Variants in SRGAP2 observed in about 807,000 individuals in gnomAD.
The protein encoded by SRGAP2 is SLIT-ROBO Rho GTPase activating protein 2.
A neutral mutation model predicts 57.2 loss-of-function variants in SRGAP2; 15 were observed. The observed-to-expected ratio is 0.26, with a 90% CI of 0.18 to 0.40. The LOEUF is 0.40. SRGAP2 is among the 10% of genes least tolerant of loss of function. The probability of loss-of-function intolerance (pLI) is 1.00; values close to 1 mark genes in which losing one functional copy is unlikely to be tolerated. For synonymous variants in SRGAP2, 249 were observed against 248.0 expected, an observed-to-expected ratio of 1.00 and a Z score of -0.04; for missense variants, 520 against 669.6, an observed-to-expected ratio of 0.78 and a Z score of 2.47.
chr1:206,418,900 G>C (rs372662654), intron 11 of SRGAP2, among the ~76,000 whole-genome samples: 5,257 of 147,284 alleles, frequency 0.036, 334 homozygotes, highest in African/African-American at 0.12. Context: ...GTGTGTGTGT[G>C]TGTGTGTGTG....
intron 2 of SRGAP2, among the ~76,000 whole-genome samples, chr1:206,301,298 G>C (rs1373095831): frequency 6.6e-6 from 1 of 152,080 alleles, no homozygotes; most frequent in Non-Finnish European, 1.5e-5. Flanking sequence ...GCCTCCCAAA[G>C]TGCTGGGATT....
At chr1:206,427,804 C>T (rs950428126) in intron 13 of SRGAP2, among the ~76,000 whole-genome samples, 17 of 152,154 alleles carry the variant, frequency 1.1e-4, no homozygotes, top group Non-Finnish European at 1.2e-4. Context: ...CATTCAGCTG[C>T]ATTATAAAAC....
intron 11 of SRGAP2, among the ~76,000 whole-genome samples, chr1:206,418,289 A>C (rs1659923661): frequency 6.6e-6 from 1 of 152,232 alleles, no homozygotes; most frequent in Admixed American, 6.5e-5. Context: ...ATTTTTGCAC[A>C]TAAGAGCTGA....
chr1:206,290,444 C>T (rs1302086257), intron 2 of SRGAP2, among the ~76,000 whole-genome samples: 2 of 152,118 alleles, frequency 1.3e-5, no homozygotes, highest in South Asian at 4.2e-4. Context: ...GTCAGGAGTT[C>T]GAGACCAGCC....
At chr1:206,434,296 A>C (rs950440778) in intron 14 of SRGAP2, among the ~76,000 whole-genome samples, 1 of 152,354 alleles carries the variant, frequency 6.6e-6, no homozygotes. Flanking sequence ...ATGGAAAAAA[A>C]CAAAAAAACA....
intron 3 of SRGAP2, among the ~76,000 whole-genome samples, chr1:206,324,294 C>A (rs1231080195): frequency 6.6e-6 from 1 of 150,522 alleles, no homozygotes; most frequent in Non-Finnish European, 1.5e-5. Context: ...GTTTTTAAAA[C>A]CTTTATTCTC....
intron 2 of SRGAP2, among the ~76,000 whole-genome samples, chr1:206,244,569 G>A (rs1225769884): frequency 6.9e-6 from 1 of 144,688 alleles, no homozygotes; most frequent in Non-Finnish European, 1.5e-5. Context: ...CGGCAAAACA[G>A]CATATCTTTA....
intron 5 of SRGAP2, among the ~76,000 whole-genome samples, chr1:206,386,987 A>G (rs1656344260): frequency 1.3e-5 from 2 of 150,584 alleles, no homozygotes; most frequent in Admixed American, 1.3e-4. Flanking sequence ...CTAGCCAGGC[A>G]TGGTGGTGGG....
chr1:206,283,624 C>T (rs1330398471), intron 2 of SRGAP2, among the ~76,000 whole-genome samples: 2,686 of 150,882 alleles, frequency 0.018, 36 homozygotes, highest in Non-Finnish European at 0.027. Context: ...CGCAGTGAGC[C>T]GAGATCATGC....
intron 13 of SRGAP2, among the ~76,000 whole-genome samples, chr1:206,429,658 A>G (rs1269065686): frequency 1.3e-5 from 2 of 152,272 alleles, no homozygotes; most frequent in African/African-American, 4.8e-5. Flanking sequence ...TATTCCTGGC[A>G]TGCAAGGCCG....
chr1:206,273,169 G>C (rs1670226200), intron 2 of SRGAP2, among the ~76,000 whole-genome samples: 2 of 152,086 alleles, frequency 1.3e-5, no homozygotes, highest in South Asian at 4.1e-4. Flanking sequence ...GGATCTCACT[G>C]TGTTATAAGA....
intron 13 of SRGAP2, among the ~76,000 whole-genome samples, chr1:206,422,155 C>G (rs1365290725): frequency 3.3e-5 from 5 of 152,296 alleles, no homozygotes; most frequent in South Asian, 2.1e-4. Context: ...CTCAGTGGCT[C>G]TAGCCACAGG....
intron 4 of SRGAP2, among the ~76,000 whole-genome samples, chr1:206,364,392 C>T (rs1332608986): frequency 1.3e-5 from 2 of 149,952 alleles, no homozygotes; most frequent in Non-Finnish European, 3.0e-5. Flanking sequence ...ATCCCCGCCT[C>T]CCAGGTTCAA....
intron 2 of SRGAP2, among the ~76,000 whole-genome samples, chr1:206,278,517 T>C (rs1232231690): frequency 7.0e-6 from 1 of 142,878 alleles, no homozygotes; most frequent in Non-Finnish European, 1.5e-5. Flanking sequence ...GCCTGGCTAA[T>C]TTTTTAATTT....
chr1:206,373,117 T>TTC lies in SRGAP2; in HGVS notation c.424-10897_424-10896insTC, dbSNP rs1418361459. Among the ~76,000 whole-genome samples, 349 of 126,122 alleles carry TTC rather than the reference T, an allele frequency of 2.8e-3. 9 individuals are homozygous for TTC. The highest frequency in any genetic ancestry group is 4.5e-3 in the African/African-American group (135 of 29,778). The allele number at this position is 126,122 out of a possible 152,430, so 82.7% of individuals were successfully genotyped here. On this transcript the variant is annotated intron_variant, in intron 4 of 22. Coordinates refer to ENST00000573034, the MANE Select transcript of SRGAP2 (RefSeq NM_015326.5). ...TTTTTTTCTTTTTTTTTTTTTTTTT[T>TTC]CTGAGTCTTGCTCTGTCACCCAGGC...
intron 2 of SRGAP2, among the ~76,000 whole-genome samples, chr1:206,242,078 T>C (rs1382158849): frequency 1.3e-5 from 2 of 151,014 alleles, no homozygotes; most frequent in South Asian, 4.2e-4. Context: ...TTTGGCTTTT[T>C]TTGAACTCAT....
chr1:206,430,368 G>C (rs1661188877), intron 14 of SRGAP2, 146 bp downstream of exon 14: 1 of 639,570 alleles, frequency 1.6e-6, no homozygotes, highest in Admixed American at 2.3e-5. Flanking sequence ...CATAACTTTT[G>C]CTACCTCAAA....
chr1:206,268,445 G>A (rs1670011326), intron 2 of SRGAP2, among the ~76,000 whole-genome samples: 1 of 151,490 alleles, frequency 6.6e-6, no homozygotes, highest in African/African-American at 2.4e-5. Context: ...ATTCAAACAT[G>A]GAATATATTT....
intron 4 of SRGAP2, among the ~76,000 whole-genome samples, chr1:206,371,657 G>A (rs1306619950): frequency 6.6e-6 from 1 of 151,276 alleles, no homozygotes; most frequent in African/African-American, 2.4e-5. Context: ...CGTGAATCCG[G>A]GAGGCAGAGC....
Sources: allele counts gnomAD v4.1 joint callset (sites outside exome capture counted in the v4.1 genomes callset), GRCh38; gene constraint gnomAD v4.1.1; transcripts MANE v1.5; gene names NCBI Gene and HGNC (gene_info 2026-07-23, HGNC 2026-07-21).